The following COL5A1 variants were observed in gnomAD, a reference collection of about 807,000 sequenced individuals.
COL5A1 encodes the protein collagen type V alpha 1 chain, also known as collagen alpha-1(V) chain.
COL5A1 carries 16 observed loss-of-function variants against 263.7 expected under a neutral mutation model. That is an observed-to-expected ratio of 0.06 (90% CI 0.04 to 0.09). COL5A1 has a LOEUF of 0.09. Among genes scored for constraint, COL5A1 ranks in the 10% least tolerant of loss-of-function variants. The pLI is 1.00. For synonymous variants in COL5A1, 1,012 were observed against 1,004.5 expected (o/e 1.01, Z -0.14); for missense variants, 2,036 against 2,540.5 (o/e 0.80, Z 4.27).
chr9:134,689,137 G>T (rs1429974355), intron 1 of COL5A1, among the ~76,000 whole-genome samples: 1 of 152,194 alleles, frequency 6.6e-6, no homozygotes, highest in Non-Finnish European at 1.5e-5. Context: ...GGGACAAGCA[G>T]TGACACTGCG....
chr9:134,756,180 C>G (rs1243488308), intron 16 of COL5A1, among the ~76,000 whole-genome samples: 1 of 152,166 alleles, frequency 6.6e-6, no homozygotes, highest in Non-Finnish European at 1.5e-5. Context: ...GCACCTTGTC[C>G]TTGACTGTGT....
intron 18 of COL5A1, among the ~76,000 whole-genome samples, chr9:134,760,195 CCCCACACT>C (rs1425337086): frequency 7.7e-6 from 1 of 130,190 alleles, no homozygotes; most frequent in Non-Finnish European, 1.6e-5. Flanking sequence ...ACCCCCACAC[CCCCACACT>C]CATACACACA....
intron 57 of COL5A1, 131 bp from the exon 58 acceptor site, chr9:134,819,985 C>A: frequency 1.3e-6 from 1 of 789,762 alleles, no homozygotes; most frequent in South Asian, 1.4e-5. Flanking sequence ...GCCTGTTCCC[C>A]TTCCAGGGGA....
chr9:134,757,724 C>T lies in COL5A1; in HGVS notation c.1882-519C>T, dbSNP rs1328351143. On this transcript the variant is annotated intron_variant, in intron 17 of 65. Coordinates refer to ENST00000371817, the MANE Select transcript of COL5A1 (RefSeq NM_000093.5). This position sits in a 1 kb window ranked among gnomAD's most constrained non-coding sequence, Gnocchi z 6.2. ...GTGTGCACACCCATGAGACAGGGCC[C>T]TGTTCCCGGGCTCCAGGGCATGCAG... 5.3e-5 allele frequency among the ~76,000 whole-genome samples: 8 copies of T among 152,188 alleles called. No individual in the cohort carries two copies. The highest frequency in any genetic ancestry group is 1.2e-4 in the Non-Finnish European group (8 of 68,040).
In COL5A1 at chr9:134,798,374, G is replaced by T. The variant is rs778232263; in HGVS notation, c.2899-34G>T. On this transcript the variant is annotated intron_variant, in intron 36 of 65. Transcript: ENST00000371817. ...TCAAAGGTGGTTGCTTCTCAGACAC[G>T]AATGAACCTCCTTTCCTTTGGTTTT... is the stretch of plus-strand genomic sequence containing the variant. 1.9e-6 allele frequency: 3 copies of T among 1,610,322 alleles called. No homozygotes were observed. In the South Asian group the frequency reaches 3.3e-5, roughly 18 times the overall value.
Position 134,753,907 on chromosome 9 carries a change from T to C in COL5A1, c.1773+4T>C, listed in dbSNP as rs1288994466. ...GCCGGGAGACGTGGGGCCTCAGGTATGTGGGATCCTTGCCTTCGCTGTCTG... is the reference window on the plus strand; with the variant it reads ...GCCGGGAGACGTGGGGCCTCAGGTACGTGGGATCCTTGCCTTCGCTGTCTG... On this transcript the variant is annotated splice_donor_region_variant and intron_variant, in intron 15 of 65. Coordinates refer to ENST00000371817, the MANE Select transcript of COL5A1 (RefSeq NM_000093.5). 3 of 1,613,320 alleles carry C rather than the reference T, an allele frequency of 1.9e-6. No individual in the cohort carries two copies. The highest frequency in any genetic ancestry group is 2.2e-5 in the South Asian group (2 of 91,046).
chr9:134,670,486 C>A (rs993352271), intron 1 of COL5A1, among the ~76,000 whole-genome samples: 10 of 152,196 alleles, frequency 6.6e-5, no homozygotes, highest in Admixed American at 6.5e-5. Flanking sequence ...GTTACTTCCC[C>A]CTCTCTGCTC....
intron 63 of COL5A1, among the ~76,000 whole-genome samples, chr9:134,827,272 C>T (rs1271527367): frequency 2.0e-5 from 3 of 152,222 alleles, no homozygotes; most frequent in African/African-American, 7.2e-5. Flanking sequence ...CCGTGCTGAG[C>T]TCAGTAGCCA....
rs927195419 is a variant in COL5A1, at chr9:134,841,506, G to A, written c.5371-651G>A. Among the ~76,000 whole-genome samples, 5 of 152,124 alleles carry A rather than the reference G, an allele frequency of 3.3e-5. No individual in the cohort carries two copies. The highest frequency in any genetic ancestry group is 1.2e-4 in the African/African-American group (5 of 41,418). ...GGGTGCTGACTCATCCTGCAGGCCAGGTTCATTGCACTACCCCTGCCCTCT... is the reference window on the plus strand; with the variant it reads ...GGGTGCTGACTCATCCTGCAGGCCAAGTTCATTGCACTACCCCTGCCCTCT... On this transcript the variant is annotated intron_variant, in intron 65 of 65. Transcript: ENST00000371817. This position sits in a 1 kb window ranked among gnomAD's most constrained non-coding sequence, Gnocchi z 4.8.
At position 134,815,642 on chromosome 9, in the gene COL5A1, G is replaced by A. The variant is rs1838716161; in HGVS notation, c.4068+13G>A. Reference sequence around the variant, plus strand: ...GCCTGGCCCCGCGGTAGGTGCTCAAGAGGGCAAAGCCACCGGATCCCCCAC... The same window carrying A: ...GCCTGGCCCCGCGGTAGGTGCTCAAAAGGGCAAAGCCACCGGATCCCCCAC... On this transcript the variant is annotated intron_variant, in intron 51 of 65. Coordinates refer to ENST00000371817, the MANE Select transcript of COL5A1 (RefSeq NM_000093.5). 1 of 1,613,202 alleles carries A rather than the reference G, an allele frequency of 6.2e-7. No homozygotes were observed. Among genetic ancestry groups the A allele is most frequent in the Non-Finnish European group, 8.5e-7 (1 of 1,179,824 alleles).
chr9:134,685,576 C>T (rs947915118), intron 1 of COL5A1, among the ~76,000 whole-genome samples: 50 of 148,506 alleles, frequency 3.4e-4, no homozygotes, highest in Non-Finnish European at 5.7e-4. Context: ...ATTCATCCAT[C>T]CATCCATCCT....
At chr9:134,775,092 A>G (rs1837004570) in intron 27 of COL5A1, among the ~76,000 whole-genome samples, 180 bp downstream of exon 27, 1 of 152,226 alleles carries the variant, frequency 6.6e-6, no homozygotes, top group Non-Finnish European at 1.5e-5. Flanking sequence ...GGGCCTGAGC[A>G]GGTGAGGGTG....
intron 4 of COL5A1, chr9:134,708,664 T>C (rs1180144615): frequency 1.9e-6 from 1 of 518,638 alleles, no homozygotes; most frequent in Non-Finnish European, 3.8e-6. Context: ...TGTCGTGTCT[T>C]CAGCTCTGCC....
At chr9:134,805,538 G>A (rs1838265076) in intron 41 of COL5A1, among the ~76,000 whole-genome samples, 2 of 152,190 alleles carry the variant, frequency 1.3e-5, no homozygotes, top group African/African-American at 2.4e-5. Context: ...GTGGGTCTGG[G>A]CTGGGCCAGC....
rs1184531257 is a variant in COL5A1 at position 134,825,889 on chromosome 9, CAAG to C, written c.5056_5058del (p.Lys1686del). 3.7e-6 allele frequency: 6 copies of C among 1,611,924 alleles called. No individual in the cohort carries two copies. The highest frequency in any genetic ancestry group is 1.3e-5 in the African/African-American group (1 of 74,906). On this transcript the variant is annotated inframe_deletion, in exon 63 of 66. Transcript: ENST00000371817. ...GGGGGTCGACATGCGTCTTCCCTGA[CAAG>C]AAGTCCGAAGGGGTGAGTAGCTGTG...
In COL5A1 at chr9:134,843,981, C is replaced by T. The variant is rs562325762; in HGVS notation, c.*1678C>T. ...GCTGCCGTCTGTGGGCAGGAGGACC[C>T]GAGGGGCAGCCAGGAAAGGCGATCT... On this transcript the variant is annotated 3_prime_UTR_variant, in exon 66 of 66. Transcript: ENST00000371817. The T allele has an allele frequency of 3.3e-5, 5 of 152,352 alleles. No individual in the cohort carries two copies. The highest frequency in any genetic ancestry group is 4.1e-4 in the South Asian group (2 of 4,820). 9.4% of individuals were successfully genotyped at this position (152,352 alleles called of 1,614,324 possible).
Position 134,701,307 on chromosome 9 carries a change from C to T in COL5A1, c.628C>T (p.Arg210Trp), listed in dbSNP as rs1490728700. Residue 210 changes from arginine to tryptophan, a missense_variant, in exon 4 of 66, where the codon CGG becomes TGG. Arg to Trp is a moderately radical substitution (Grantham distance 101). This residue lies in a region of COL5A1 where 600 missense variants were observed against 634.5 expected (regional missense o/e 0.95). Coordinates refer to ENST00000371817, the MANE Select transcript of COL5A1 (RefSeq NM_000093.5). Reference protein sequence around the residue: ...DINGIIVFGTRILDEEVFEGD... With the variant: ...DINGIIVFGTWILDEEVFEGD... ...CAATGGCATCATCGTGTTTGGCACC[C>T]GGATCCTGGATGAGGAGGTGTTTGA... 3 of 1,613,746 alleles carry T rather than the reference C, an allele frequency of 1.9e-6. No individual in the cohort carries two copies. Among genetic ancestry groups the T allele is most frequent in the East Asian group, 2.2e-5 (1 of 44,866 alleles).
intron 18 of COL5A1, among the ~76,000 whole-genome samples, chr9:134,759,099 G>T (rs908405012): frequency 1.3e-5 from 2 of 151,982 alleles, no homozygotes; most frequent in Non-Finnish European, 2.9e-5. Context: ...CAGCTTGTGG[G>T]GTGTTCCTTC....
At chr9:134,695,479 G>A (rs552990241) in intron 2 of COL5A1, among the ~76,000 whole-genome samples, 1 of 152,240 alleles carries the variant, frequency 6.6e-6, no homozygotes, top group South Asian at 2.1e-4. Context: ...GCCGAACAGG[G>A]TGCCAGCTGC....
Sources: allele counts gnomAD v4.1 joint callset (sites outside exome capture counted in the v4.1 genomes callset), GRCh38; gene constraint gnomAD v4.1.1; regional missense constraint gnomAD v4.1.1; non-coding constraint Gnocchi (gnomAD v3.1); transcripts MANE v1.5; gene names NCBI Gene and HGNC (gene_info 2026-07-23, HGNC 2026-07-21).